Variants in TENM3 observed in about 807,000 individuals in gnomAD.
The protein encoded by TENM3 is teneurin transmembrane protein 3.
TENM3 carries 63 observed loss-of-function variants against 255.1 expected under a neutral mutation model. The observed-to-expected ratio is 0.25, with a 90% CI of 0.20 to 0.30. The LOEUF is 0.30. Ranked by LOEUF, TENM3 falls within the 10% of genes least tolerant of loss-of-function variation. The pLI is 1.00. For synonymous variants in TENM3, 1,306 were observed against 1,322.3 expected, an observed-to-expected ratio of 0.99 and a Z score of 0.27; for missense variants, 2,929 against 3,461.1, an observed-to-expected ratio of 0.85 and a Z score of 3.86.
the TENM3 span, among the ~76,000 whole-genome samples, chr4:181,660,432 T>G: frequency 6.6e-6 from 1 of 152,174 alleles, no homozygotes; most frequent in Non-Finnish European, 1.5e-5. Context: ...TTAAAGCAAT[T>G]ACCACTGAGA....
rs1395864057 is a variant in TENM3, at chr4:182,775,200, G to A, written c.5304+47G>A. ...GGAGATAGCTGCAGCCCTCTGATCT[G>A]TGCAGATCATCCTGAGGGCAGGTTG... On this transcript the variant is annotated intron_variant, in intron 24 of 27. Coordinates refer to ENST00000511685, the MANE Select transcript of TENM3 (RefSeq NM_001080477.4). 4.5e-6 allele frequency: 7 copies of A among 1,564,514 alleles called. No individual in the cohort carries two copies. The African/African-American group carries it at 9.5e-5, about 21-fold the overall frequency.
intron 3 of TENM3, among the ~76,000 whole-genome samples, chr4:182,499,622 A>C (rs1736132343): frequency 6.6e-6 from 1 of 152,188 alleles, no homozygotes; most frequent in South Asian, 2.1e-4. Flanking sequence ...CTACCACCAG[A>C]TTAATTTCCC....
At chr4:182,233,544 G>A (rs1334824197) in intron 1 of TENM3, among the ~76,000 whole-genome samples, 1 of 152,196 alleles carries the variant, frequency 6.6e-6, no homozygotes, top group African/African-American at 2.4e-5. Context: ...AAAACTGTAT[G>A]CTGCTTATGG....
the TENM3 span, among the ~76,000 whole-genome samples, chr4:182,103,214 A>G: frequency 1.3e-5 from 2 of 152,248 alleles, no homozygotes; most frequent in Non-Finnish European, 1.5e-5. Context: ...CTCTGGACAT[A>G]CAAGTATGCC....
intron 3 of TENM3, among the ~76,000 whole-genome samples, chr4:182,476,303 A>G (rs1733678770): frequency 6.6e-6 from 1 of 152,206 alleles, no homozygotes. Flanking sequence ...TTGTTGGTAA[A>G]AACAGATAGA....
At chr4:182,288,175 A>T (rs1199504875) in intron 1 of TENM3, among the ~76,000 whole-genome samples, 10 of 152,056 alleles carry the variant, frequency 6.6e-5, no homozygotes. Context: ...ACCTCAGGTG[A>T]TCCACCCTCC....
At chr4:182,587,933 T>C (rs1418512078) in intron 3 of TENM3, among the ~76,000 whole-genome samples, 1 of 152,144 alleles carries the variant, frequency 6.6e-6, no homozygotes, top group East Asian at 1.9e-4. Flanking sequence ...TAATATAAGA[T>C]AGTATGGTAG....
At chr4:181,567,698 G>C in the TENM3 span, among the ~76,000 whole-genome samples, 25 of 152,182 alleles carry the variant, frequency 1.6e-4, no homozygotes, top group African/African-American at 5.5e-4. Context: ...TGAACTAGAA[G>C]TTGATAACAA....
intron 5 of TENM3, among the ~76,000 whole-genome samples, chr4:182,651,078 G>A (rs1753236242): frequency 6.6e-6 from 1 of 151,894 alleles, no homozygotes. Flanking sequence ...AAATCTATCA[G>A]GCAAGAAGAC....
intron 12 of TENM3, among the ~76,000 whole-genome samples, chr4:182,701,422 G>A (rs750480947): frequency 8.6e-5 from 13 of 151,488 alleles, no homozygotes; most frequent in Non-Finnish European, 1.5e-4. Context: ...AGGTTTCCTC[G>A]TGTTAGCCAG....
the TENM3 span, among the ~76,000 whole-genome samples, chr4:181,973,057 A>G: frequency 8.5e-5 from 13 of 152,236 alleles, no homozygotes; most frequent in Admixed American, 7.2e-4. Context: ...TAAATGGACC[A>G]TAAGAATGAC....
rs183131157 is a variant in TENM3, at chr4:182,584,404, G to C, written c.512-16520G>C. Among the ~76,000 whole-genome samples, 455 of 152,238 alleles carry C rather than the reference G, an allele frequency of 3.0e-3. 1 individual carries two copies. Among genetic ancestry groups the C allele is most frequent in the Non-Finnish European group, 4.8e-3 (325 of 68,022 alleles). ...ACATTTTTACATGTTTTTGGTGGGA[G>C]CATGATTTTCTAGTGTGTTGCTTTA... On this transcript the variant is annotated intron_variant, in intron 3 of 27. Transcript: ENST00000511685.
the TENM3 span, among the ~76,000 whole-genome samples, chr4:182,111,218 A>C: frequency 1.7e-5 from 1 of 59,000 alleles, no homozygotes; most frequent in African/African-American, 8.0e-5. Flanking sequence ...TTTTTTAATT[A>C]GCCTTCTTTC....
chr4:182,026,803 T>C, the TENM3 span, among the ~76,000 whole-genome samples: 3 of 152,194 alleles, frequency 2.0e-5, no homozygotes, highest in Admixed American at 2.0e-4. Flanking sequence ...TTCTTTACTC[T>C]GTTCCATTTG....
intron 1 of TENM3, among the ~76,000 whole-genome samples, chr4:182,151,915 C>A (rs1750384702): frequency 6.6e-6 from 1 of 151,808 alleles, no homozygotes; most frequent in Admixed American, 6.6e-5. Flanking sequence ...ATGAAAACTG[C>A]AGTATACACA....
At chr4:181,900,480 G>A in the TENM3 span, among the ~76,000 whole-genome samples, 106 of 152,136 alleles carry the variant, frequency 7.0e-4, no homozygotes, top group African/African-American at 2.3e-3. Flanking sequence ...GTTCCAATAC[G>A]TATATTTGTT....
the TENM3 span, among the ~76,000 whole-genome samples, chr4:181,817,228 A>C: frequency 6.6e-6 from 1 of 152,210 alleles, no homozygotes; most frequent in Non-Finnish European, 1.5e-5. Context: ...ACTCTACTCC[A>C]GGGCTTCTCA....
chr4:182,462,206 C>T (rs539994392), intron 3 of TENM3, among the ~76,000 whole-genome samples: 5 of 151,930 alleles, frequency 3.3e-5, no homozygotes, highest in Admixed American at 1.3e-4. Context: ...CTGGCCCACA[C>T]ATTGCCACAC....
chr4:182,515,988 C>G (rs1490985757), intron 3 of TENM3, among the ~76,000 whole-genome samples: 1 of 152,206 alleles, frequency 6.6e-6, no homozygotes, highest in Non-Finnish European at 1.5e-5. Flanking sequence ...TATGCTACAG[C>G]AAAAAGTTTA....
Sources: allele counts gnomAD v4.1 joint callset (sites outside exome capture counted in the v4.1 genomes callset), GRCh38; gene constraint gnomAD v4.1.1; transcripts MANE v1.5; gene names NCBI Gene and HGNC (gene_info 2026-07-23, HGNC 2026-07-21).